Variants in ULK2 observed in about 807,000 individuals in gnomAD.
ULK2 encodes unc-51 like autophagy activating kinase 2.
In ULK2, 76 loss-of-function variants were observed where a neutral mutation model predicts 127.5. The observed-to-expected ratio is 0.60, with a 90% CI of 0.50 to 0.72. ULK2 has a LOEUF of 0.72. Among genes scored for constraint, ULK2 ranks in the 30% least tolerant of loss-of-function variants. ULK2 has a pLI of 0.00. For synonymous variants in ULK2, 452 were observed against 461.9 expected (o/e 0.98, Z 0.28); for missense variants, 1,144 against 1,295.9 (o/e 0.88, Z 1.80).
intron 1 of ULK2, among the ~76,000 whole-genome samples, chr17:19,866,061 G>C (rs991736028): frequency 1.3e-5 from 2 of 151,980 alleles, no homozygotes; most frequent in Non-Finnish European, 2.9e-5. Flanking sequence ...AACATTAAAT[G>C]AAAAAAGAAC....
At chr17:19,818,021 G>A (rs1019143251) in intron 12 of ULK2, among the ~76,000 whole-genome samples, 1 of 152,070 alleles carries the variant, frequency 6.6e-6, no homozygotes, top group Non-Finnish European at 1.5e-5. Flanking sequence ...TTCCGGCAGG[G>A]TGTGAATCAC....
chr17:19,802,763 G>A (rs1202359190), intron 15 of ULK2, among the ~76,000 whole-genome samples: 2 of 152,188 alleles, frequency 1.3e-5, no homozygotes, highest in African/African-American at 4.8e-5. Flanking sequence ...TCTGAAACCA[G>A]ATTAATGAAC....
In ULK2 at chr17:19,831,027, T is replaced by TAAA. The variant is rs10658733; in HGVS notation, c.788-4844_788-4842dup. ...GGGTGACAGAGCAAGACTCCGTCGCTAAAAAAAAAAAAAAAACTACCTGAG... is the reference window on the plus strand; with the variant it reads ...GGGTGACAGAGCAAGACTCCGTCGCTAAAAAAAAAAAAAAAAAAACTACCTGAG... On this transcript the variant is annotated intron_variant, in intron 10 of 26. Transcript: ENST00000395544. 3.8e-3 allele frequency among the ~76,000 whole-genome samples: 514 copies of TAAA among 136,828 alleles called. 12 individuals are homozygous for TAAA. The highest frequency in any genetic ancestry group is 0.012 in the Middle Eastern group (3 of 260). The allele number at this position is 136,828 out of a possible 152,430, so 89.8% of individuals were successfully genotyped here.
chr17:19,781,240 TTC>T (rs2086913334), intron 23 of ULK2, 136 bp from the exon 24 acceptor site: 4 of 651,818 alleles, frequency 6.1e-6, no homozygotes, highest in East Asian at 2.9e-5. Flanking sequence ...CTTCTTTCTT[TTC>T]TTTTTTTTTT....
At chr17:19,867,091 C>A (rs2042367330) in intron 1 of ULK2, among the ~76,000 whole-genome samples, 1 of 152,160 alleles carries the variant, frequency 6.6e-6, no homozygotes, top group South Asian at 2.1e-4. Context: ...GGGGTGGGCC[C>A]CGGGCACACA....
rs1388178770 is a variant in ULK2, at chr17:19,774,683, A to G, written c.*1666T>C. On this transcript the variant is annotated 3_prime_UTR_variant, in exon 27 of 27. Transcript: ENST00000395544. ...AAAGGATATTCATGGCCAAGTCTCT[A>G]AACTCACTAAGGAAGTACCTGGCTC... 1 of 152,298 alleles carries G rather than the reference A, an allele frequency of 6.6e-6. No homozygotes were observed. Among genetic ancestry groups the G allele is most frequent in the African/African-American group, 2.4e-5 (1 of 41,458 alleles). The allele number at this position is 152,298 out of a possible 1,614,324, so 9.4% of individuals were successfully genotyped here. A position where few individuals can be genotyped will look rare whatever the true frequency, so the allele number is the denominator to read the frequency against.
chr17:19,787,459 T>C (rs756119391), intron 20 of ULK2, among the ~76,000 whole-genome samples: 14 of 152,180 alleles, frequency 9.2e-5, no homozygotes, highest in Non-Finnish European at 8.8e-5. Flanking sequence ...GCCAGAAATA[T>C]ATTTGATAAT....
chr17:19,859,678 C>A (rs916123859), intron 3 of ULK2, among the ~76,000 whole-genome samples: 9 of 152,210 alleles, frequency 5.9e-5, no homozygotes, highest in Middle Eastern at 6.8e-3. Flanking sequence ...AGCCATAATT[C>A]GGTGGTTTCT....
chr17:19,777,833 A>G, intron 25 of ULK2, 117 bp from the exon 26 acceptor site: 1 of 1,271,724 alleles, frequency 7.9e-7, no homozygotes, highest in South Asian at 1.6e-5. Flanking sequence ...TGGTAAAGTG[A>G]TACAGTCTGC....
chr17:19,800,481 G>A (rs932738143), intron 16 of ULK2, among the ~76,000 whole-genome samples: 1 of 152,284 alleles, frequency 6.6e-6, no homozygotes, highest in East Asian at 1.9e-4. Context: ...TGGAGACCTT[G>A]AAGTACCTCA....
intron 21 of ULK2, among the ~76,000 whole-genome samples, chr17:19,784,584 C>T (rs1002697966): frequency 8.3e-6 from 1 of 119,806 alleles, no homozygotes; most frequent in Non-Finnish European, 1.6e-5. Context: ...ATTGCAGTGG[C>T]GTGATCACAG....
At chr17:19,822,755 T>C (rs928818169) in intron 12 of ULK2, among the ~76,000 whole-genome samples, 5 of 152,008 alleles carry the variant, frequency 3.3e-5, no homozygotes, top group African/African-American at 1.2e-4. Context: ...TGAGCGATCT[T>C]AGCTCACTGC....
chr17:19,845,425 T>C (rs757083038), intron 6 of ULK2, 48 bp from the exon 7 acceptor site: 1 of 1,343,370 alleles, frequency 7.4e-7, no homozygotes, highest in Non-Finnish European at 1.1e-6. Flanking sequence ...TCTTCGCTCA[T>C]ACCTAACATA....
At chr17:19,803,676 G>A (rs1232329843) in intron 15 of ULK2, among the ~76,000 whole-genome samples, 1 of 152,078 alleles carries the variant, frequency 6.6e-6, no homozygotes, top group Non-Finnish European at 1.5e-5. Context: ...ACTCTTTGTG[G>A]AATGGAAGGT....
intron 9 of ULK2, chr17:19,840,030 G>C: frequency 3.4e-6 from 1 of 293,678 alleles, no homozygotes; most frequent in Non-Finnish European, 6.7e-6. Context: ...AATGAAAACA[G>C]GGATCTGATT....
intron 5 of ULK2, among the ~76,000 whole-genome samples, chr17:19,848,779 A>C (rs1009278137): frequency 6.8e-6 from 1 of 148,010 alleles, no homozygotes. Flanking sequence ...TTCATCTCCA[A>C]AAAAAAAAAA....
In ULK2 at chr17:19,771,994, G is replaced by C. The variant is rs982718611; in HGVS notation, c.*4355C>G. 1 of 152,316 alleles carries C rather than the reference G, an allele frequency of 6.6e-6. No individual in the cohort carries two copies. The highest frequency in any genetic ancestry group is 2.4e-5 in the African/African-American group (1 of 41,460). 9.4% of individuals were successfully genotyped at this position (152,316 alleles called of 1,614,324 possible). A position where few individuals can be genotyped will look rare whatever the true frequency, so the allele number is the denominator to read the frequency against. On this transcript the variant is annotated 3_prime_UTR_variant, in exon 27 of 27. Coordinates refer to ENST00000395544, the MANE Select transcript of ULK2 (RefSeq NM_014683.4). ...AGAGAGCCACACTCTGTGAAAAGTG[G>C]AAAAACCTACAGATTGATCCCACCT...
At chr17:19,862,904 T>C (rs904419939) in intron 3 of ULK2, among the ~76,000 whole-genome samples, 1 of 152,126 alleles carries the variant, frequency 6.6e-6, no homozygotes, top group Non-Finnish European at 1.5e-5. Context: ...GCCTGGCACA[T>C]AATAGTCACT....
intron 22 of ULK2, among the ~76,000 whole-genome samples, chr17:19,782,362 T>G (rs2086937757): frequency 6.6e-6 from 1 of 152,170 alleles, no homozygotes; most frequent in Admixed American, 6.5e-5. Flanking sequence ...AACGATTAAA[T>G]CAATATACAT....
Sources: allele counts gnomAD v4.1 joint callset (sites outside exome capture counted in the v4.1 genomes callset), GRCh38; gene constraint gnomAD v4.1.1; transcripts MANE v1.5; gene names NCBI Gene and HGNC (gene_info 2026-07-23, HGNC 2026-07-21).